The following CELF2 variants were observed in gnomAD, a reference collection of about 807,000 sequenced individuals.
The protein encoded by CELF2 is CUG triplet repeat RNA-binding protein 2.
A neutral mutation model predicts 62.6 loss-of-function variants in CELF2; 8 were observed. The ratio of observed to expected loss-of-function variants is 0.13; its 90% confidence interval spans 0.07 to 0.23. The LOEUF is 0.23. Ranked by LOEUF, CELF2 falls within the 10% of genes least tolerant of loss-of-function variation. The pLI is 1.00. For synonymous variants in CELF2, 258 were observed against 250.0 expected, an observed-to-expected ratio of 1.03 and a Z score of -0.30; for missense variants, 333 against 671.0, an observed-to-expected ratio of 0.50 and a Z score of 5.56.
At chr10:11,312,492 C>A (rs2094616051) in intron 9 of CELF2, among the ~76,000 whole-genome samples, 1 of 152,204 alleles carries the variant, frequency 6.6e-6, no homozygotes, top group Non-Finnish European at 1.5e-5. Context: ...TTAAAGTATT[C>A]TCAGATCCTT....
At chr10:10,719,209 C>T in the CELF2 span, among the ~76,000 whole-genome samples, 3 of 152,072 alleles carry the variant, frequency 2.0e-5, no homozygotes, top group Admixed American at 1.3e-4. Context: ...CCACCCACCT[C>T]GGCTTCTCAA....
chr10:10,537,421 C>G, the CELF2 span, among the ~76,000 whole-genome samples: 1 of 152,172 alleles, frequency 6.6e-6, no homozygotes, highest in African/African-American at 2.4e-5. Context: ...ATCCTCAGGC[C>G]TGTTTCTAGC....
At chr10:11,025,239 G>GTGTATATATATATA (rs61580670) in intron 1 of CELF2, among the ~76,000 whole-genome samples, 1,834 of 141,022 alleles carry the variant, frequency 0.013, 18 homozygotes, top group Middle Eastern at 0.018. Flanking sequence ...GTGTGTGTGT[G>GTGTATATATATATA]TATATGTATG....
At chr10:10,755,176 T>C in the CELF2 span, among the ~76,000 whole-genome samples, 2 of 152,226 alleles carry the variant, frequency 1.3e-5, no homozygotes, top group Admixed American at 1.3e-4. Context: ...TCTTAGTAGA[T>C]ACAAAGAATT....
rs377477866 is a variant in CELF2 at position 11,141,331 on chromosome 10, G to A, written c.75-24155G>A. ...GTCCCCACGATGGAGGACATTGGAA[G>A]GGTGAGTTCAGCACATTTGAGGACC... On this transcript the variant is annotated intron_variant, in intron 1 of 12. Coordinates refer to ENST00000633077, the MANE Select transcript of CELF2 (RefSeq NM_001326342.2). Among the ~76,000 whole-genome samples the A allele has an allele frequency of 1.4e-4, 21 of 152,334 alleles. No homozygotes were observed. In the East Asian group the frequency reaches 3.3e-3, roughly 24 times the overall value.
chr10:11,183,025 T>G (rs1207483374), intron 2 of CELF2, among the ~76,000 whole-genome samples: 1 of 152,230 alleles, frequency 6.6e-6, no homozygotes, highest in African/African-American at 2.4e-5. Flanking sequence ...TAAAATTTGA[T>G]ACATCTTAAC....
intron 1 of CELF2, among the ~76,000 whole-genome samples, chr10:11,155,337 C>T (rs2132875660): frequency 6.6e-6 from 1 of 151,698 alleles, no homozygotes; most frequent in African/African-American, 2.4e-5. Flanking sequence ...CTTTTCACCA[C>T]GAGGCTGCTT....
At chr10:10,942,934 C>T (rs1469002380) in intron 2 of CELF2, among the ~76,000 whole-genome samples, 1 of 151,974 alleles carries the variant, frequency 6.6e-6, no homozygotes. Context: ...CCATTGTGGC[C>T]AAAAAGGAAC....
At chr10:10,623,085 CAAAAAAAAAAAAAAAAAAAAAAA>C in the CELF2 span, among the ~76,000 whole-genome samples, 129 of 57,224 alleles carry the variant, frequency 2.3e-3, no homozygotes, top group African/African-American at 7.7e-3. Flanking sequence ...GACTCCGTCT[CAAAAAAAAAAAAAAAAAAAAAAA>C]AAAAAAAAAA....
the CELF2 span, among the ~76,000 whole-genome samples, chr10:10,600,869 A>G: frequency 2.6e-5 from 4 of 152,170 alleles, no homozygotes; most frequent in African/African-American, 9.7e-5. Flanking sequence ...AATAGGCACT[A>G]TTTACTCCTC....
chr10:11,307,714 T>C (rs185386149), intron 9 of CELF2, among the ~76,000 whole-genome samples: 86 of 152,318 alleles, frequency 5.6e-4, no homozygotes, highest in Non-Finnish European at 9.7e-4. Flanking sequence ...AGTTGTTTTG[T>C]GTTTTGTTTT....
chr10:10,718,917 T>C, the CELF2 span, among the ~76,000 whole-genome samples: 3 of 152,038 alleles, frequency 2.0e-5, no homozygotes, highest in East Asian at 5.8e-4. Context: ...TTCCATTGAT[T>C]GTAAGAAAGC....
the CELF2 span, among the ~76,000 whole-genome samples, chr10:10,677,836 T>C: frequency 6.6e-6 from 1 of 152,192 alleles, no homozygotes; most frequent in Non-Finnish European, 1.5e-5. Context: ...GTTGCTCAGT[T>C]GGCAAGAACA....
chr10:11,318,975 T>C lies in CELF2; in HGVS notation c.1097-2214T>C, dbSNP rs764056639. The C allele has an allele frequency of 2.1e-6, 1 of 471,000 alleles. No individual in the cohort carries two copies. The highest frequency in any genetic ancestry group is 2.3e-5 in the Admixed American group (1 of 42,572). 29.2% of individuals were successfully genotyped at this position (471,000 alleles called of 1,614,324 possible). A position where few individuals can be genotyped will look rare whatever the true frequency, so the allele number is the denominator to read the frequency against. On this transcript the variant is annotated intron_variant, in intron 10 of 12. Transcript: ENST00000633077. This position sits in a 1 kb window ranked among gnomAD's most constrained non-coding sequence, Gnocchi z 5.4. ...ATGCTGCCCACCCCTCCATGGGAAC[T>C]TGGAGGCGTCCACTGGAGACGAGCT...
chr10:10,836,979 T>G (rs2058341039), intron 1 of CELF2, among the ~76,000 whole-genome samples: 1 of 152,186 alleles, frequency 6.6e-6, no homozygotes, highest in African/African-American at 2.4e-5. Context: ...ATTGGTCTGG[T>G]TAAATTGAAC....
the CELF2 span, among the ~76,000 whole-genome samples, chr10:10,552,090 C>A: frequency 1.3e-5 from 2 of 152,184 alleles, no homozygotes; most frequent in South Asian, 2.1e-4. Context: ...TGGTTTCAGA[C>A]AAAGCGGTTG....
At position 11,313,397 on chromosome 10, in the gene CELF2, T is replaced by C. The variant is rs181453005; in HGVS notation, c.977-742T>C. Among the ~76,000 whole-genome samples the C allele has an allele frequency of 2.5e-4, 38 of 152,358 alleles. No homozygotes were observed. In the East Asian group the frequency reaches 6.6e-3, roughly 26 times the overall value. On this transcript the variant is annotated intron_variant, in intron 9 of 12. Coordinates refer to ENST00000633077, the MANE Select transcript of CELF2 (RefSeq NM_001326342.2). Reference sequence around the variant, plus strand: ...CCAAGAAATGTCTTACATTTAAATGTTTTCCATTTTAGAAGTTTATTGAAG... The same window carrying C: ...CCAAGAAATGTCTTACATTTAAATGCTTTCCATTTTAGAAGTTTATTGAAG...
the CELF2 span, among the ~76,000 whole-genome samples, chr10:10,549,816 G>A: frequency 6.6e-6 from 1 of 152,180 alleles, no homozygotes; most frequent in East Asian, 1.9e-4. Context: ...TTCAACGTAT[G>A]AATTTTGAGG....
chr10:10,925,694 A>G (rs1331058939), intron 2 of CELF2, among the ~76,000 whole-genome samples: 1 of 152,164 alleles, frequency 6.6e-6, no homozygotes, highest in Non-Finnish European at 1.5e-5. Context: ...CGAGTGGGTC[A>G]GAGTGGGTAA....
Sources: allele counts gnomAD v4.1 joint callset (sites outside exome capture counted in the v4.1 genomes callset), GRCh38; gene constraint gnomAD v4.1.1; non-coding constraint Gnocchi (gnomAD v3.1); transcripts MANE v1.5; gene names NCBI Gene and HGNC (gene_info 2026-07-23, HGNC 2026-07-21).